Variants in CLEC6A observed in about 807,000 individuals in gnomAD.
CLEC6A encodes the protein C-type lectin domain containing 6A.
A neutral mutation model predicts 25.7 loss-of-function variants in CLEC6A; 22 were observed. The ratio of observed to expected loss-of-function variants is 0.85; its 90% CI spans 0.61 to 1.22. The LOEUF is 1.22. Among genes scored for constraint, CLEC6A ranks in the 50% most tolerant of loss-of-function variants. CLEC6A has a pLI of 0.00. For synonymous variants in CLEC6A, 92 were observed against 76.7 expected (o/e 1.20, Z -1.04); for missense variants, 240 against 236.8 (o/e 1.01, Z -0.09).
chr12:8,458,553 A>G (rs1426220744), intron 2 of CLEC6A, among the ~76,000 whole-genome samples: 3 of 152,182 alleles, frequency 2.0e-5, no homozygotes, highest in African/African-American at 7.2e-5. Flanking sequence ...TTGGATTTCT[A>G]TTCATTGATA....
At chr12:8,472,743 T>C (rs1458644519) in intron 4 of CLEC6A, among the ~76,000 whole-genome samples, 1 of 152,172 alleles carries the variant, frequency 6.6e-6, no homozygotes. Flanking sequence ...ACATGTACTT[T>C]TAAAAATTAA....
intron 4 of CLEC6A, among the ~76,000 whole-genome samples, chr12:8,470,319 C>T (rs1477481448): frequency 6.6e-6 from 1 of 152,066 alleles, no homozygotes; most frequent in African/African-American, 2.4e-5. Context: ...AAAGGGAATA[C>T]TTTTACTGTT....
In CLEC6A at chr12:8,462,349, G is replaced by A. The variant is rs1280988651; in HGVS notation, c.223+2651G>A. Reference sequence around the variant, plus strand: ...CTGACCGTCCCCCAGCCTGACACCCGTAAAGGGTCTGTGCTGAGGAGGATT... The same window carrying A: ...CTGACCGTCCCCCAGCCTGACACCCATAAAGGGTCTGTGCTGAGGAGGATT... On this transcript the variant is annotated intron_variant, in intron 3 of 5. Coordinates refer to ENST00000382073, the MANE Select transcript of CLEC6A (RefSeq NM_001007033.2). 4.2e-5 allele frequency among the ~76,000 whole-genome samples: 6 copies of A among 141,360 alleles called. 1 individual carries two copies. Among genetic ancestry groups the A allele is most frequent in the Middle Eastern group, 6.9e-3 (2 of 288 alleles). 92.7% of individuals were successfully genotyped at this position (141,360 alleles called of 152,430 possible).
intron 4 of CLEC6A, among the ~76,000 whole-genome samples, chr12:8,475,394 G>GA (rs1490609483): frequency 2.6e-5 from 4 of 151,582 alleles, no homozygotes; most frequent in African/African-American, 9.7e-5. Flanking sequence ...ATGTATATAT[G>GA]AAAAGATTTA....
chr12:8,474,534 T>G lies in CLEC6A; in HGVS notation c.370-1591T>G, dbSNP rs75346234. ...GTCTGGCTTTGTTCTTTTGAGCAGG[T>G]ACTTTTAAAAATACAAATTAATACC... On this transcript the variant is annotated intron_variant, in intron 4 of 5. Coordinates refer to ENST00000382073, the MANE Select transcript of CLEC6A (RefSeq NM_001007033.2). Among the ~76,000 whole-genome samples, 87 of 152,244 alleles carry G rather than the reference T, an allele frequency of 5.7e-4. 1 individual carries two copies. In the East Asian group the frequency reaches 0.013, roughly 23 times the overall value.
At chr12:8,469,716 T>A (rs983017195) in intron 4 of CLEC6A, among the ~76,000 whole-genome samples, 24 of 152,164 alleles carry the variant, frequency 1.6e-4, no homozygotes, top group African/African-American at 4.8e-4. Flanking sequence ...CGTGGTGGGA[T>A]AATTGGCAAG....
chr12:8,475,952 T>A (rs1175290087), intron 4 of CLEC6A, among the ~76,000 whole-genome samples, 173 bp from the exon 5 acceptor site: 1 of 152,228 alleles, frequency 6.6e-6, no homozygotes, highest in Admixed American at 6.5e-5. Flanking sequence ...GTTTCTTCCC[T>A]GTAATGATAT....
intron 4 of CLEC6A, among the ~76,000 whole-genome samples, chr12:8,468,863 C>T (rs180864201): frequency 1.9e-4 from 29 of 152,046 alleles, no homozygotes; most frequent in African/African-American, 4.1e-4. Flanking sequence ...AATCATTCCC[C>T]CTGAGAACTG....
chr12:8,457,278 T>C (rs962044223), intron 1 of CLEC6A, among the ~76,000 whole-genome samples: 1 of 152,196 alleles, frequency 6.6e-6, no homozygotes, highest in African/African-American at 2.4e-5. Flanking sequence ...ACTACCTCCA[T>C]GAGATCAATT....
At chr12:8,460,228 C>T (rs1039619833) in intron 3 of CLEC6A, among the ~76,000 whole-genome samples, 9 of 152,086 alleles carry the variant, frequency 5.9e-5, no homozygotes, top group South Asian at 2.1e-4. Context: ...AAGACATACC[C>T]GAGACTGGGC....
intron 3 of CLEC6A, among the ~76,000 whole-genome samples, chr12:8,462,735 AG>A (rs1326474334): frequency 6.6e-6 from 1 of 151,970 alleles, no homozygotes; most frequent in Non-Finnish European, 1.5e-5. Context: ...ATAAATACTA[AG>A]GGAACTCAGA....
intron 3 of CLEC6A, among the ~76,000 whole-genome samples, chr12:8,464,622 G>A (rs756214137): frequency 8.5e-5 from 13 of 152,134 alleles, no homozygotes; most frequent in Non-Finnish European, 1.5e-4. Context: ...ATGAGCCACT[G>A]CGCCTGGCCT....
At chr12:8,475,778 C>A (rs1225539794) in intron 4 of CLEC6A, among the ~76,000 whole-genome samples, 2 of 151,846 alleles carry the variant, frequency 1.3e-5, no homozygotes, top group Non-Finnish European at 2.9e-5. Flanking sequence ...ACCCCTTGGC[C>A]CAGTCAGATT....
intron 1 of CLEC6A, 29 bp from the exon 2 acceptor site, chr12:8,457,869 C>A: frequency 1.3e-6 from 2 of 1,571,362 alleles, no homozygotes; most frequent in Non-Finnish European, 1.8e-6. Context: ...CCCCTGGTAA[C>A]TGCATTTGTT....
chr12:8,461,598 A>C (rs1476571238), intron 3 of CLEC6A, among the ~76,000 whole-genome samples: 1 of 152,260 alleles, frequency 6.6e-6, no homozygotes, highest in Non-Finnish European at 1.5e-5. Context: ...ATAAAATACA[A>C]TTATTTTGTA....
At position 8,477,887 on chromosome 12, in the gene CLEC6A, G is replaced by A. The variant is rs1207754272; in HGVS notation, c.*423G>A. ...GTAGTTGGAACTACAATCATCTGAA[G>A]GCCTGACAAGAGTTGAAAGACATGT... On this transcript the variant is annotated 3_prime_UTR_variant, in exon 6 of 6. Transcript: ENST00000382073. The A allele has an allele frequency of 6.6e-6, 1 of 152,208 alleles. No homozygotes were observed. Among genetic ancestry groups the A allele is most frequent in the Non-Finnish European group, 1.5e-5 (1 of 68,096 alleles). 9.4% of individuals were successfully genotyped at this position (152,208 alleles called of 1,614,324 possible).
intron 4 of CLEC6A, among the ~76,000 whole-genome samples, chr12:8,472,126 C>T (rs749797298): frequency 1.3e-5 from 2 of 152,252 alleles, no homozygotes; most frequent in South Asian, 4.1e-4. Context: ...AGACCTTCAC[C>T]AATCAGCCTG....
At position 8,473,541 on chromosome 12, in the gene CLEC6A, A is replaced by T. The variant is rs373625839; in HGVS notation, c.370-2584A>T. On this transcript the variant is annotated intron_variant, in intron 4 of 5. Transcript: ENST00000382073. ...GAAATACCATTGCAATGAACATATG[A>T]GTACATACTTTTTTTGGTGAAATGG... is the stretch of plus-strand genomic sequence containing the variant. Among the ~76,000 whole-genome samples the T allele has an allele frequency of 1.9e-4, 29 of 152,230 alleles. 1 individual carries two copies. The South Asian group carries it at 3.7e-3, about 20-fold the overall frequency.
At chr12:8,463,309 A>G (rs1296406672) in intron 3 of CLEC6A, among the ~76,000 whole-genome samples, 1 of 126,962 alleles carries the variant, frequency 7.9e-6, no homozygotes, top group East Asian at 2.6e-4. Flanking sequence ...ATTTTGATAA[A>G]TCATTAATAA....
Sources: gnomAD v4.1 joint callset for allele counts (sites outside exome capture counted in the v4.1 genomes callset) on GRCh38, gnomAD v4.1.1 for gene constraint, MANE v1.5 for transcripts, NCBI Gene and HGNC (gene_info 2026-07-23, HGNC 2026-07-21) for gene names.